Variants in NUSAP1 observed in about 807,000 individuals in gnomAD.
The protein encoded by NUSAP1 is nucleolar and spindle-associated protein 1.
In NUSAP1, 32 loss-of-function variants were observed where a neutral mutation model predicts 52.8. The observed-to-expected ratio is 0.61, with a 90% CI of 0.46 to 0.81. The LOEUF (loss-of-function observed/expected upper bound fraction) is 0.81. Among genes scored for constraint, NUSAP1 ranks in the 40% least tolerant of loss-of-function variants. The pLI is 0.00. For missense variants in NUSAP1, 499 were observed against 522.3 expected (o/e 0.96, Z 0.43); for synonymous variants, 195 against 183.1 (o/e 1.06, Z -0.52).
At chr15:41,348,860 T>C (rs1435226125) in intron 2 of NUSAP1, among the ~76,000 whole-genome samples, 1 of 152,034 alleles carries the variant, frequency 6.6e-6, no homozygotes, top group East Asian at 1.9e-4. Context: ...CTGGTCTCGC[T>C]AACCTCAGGT....
At chr15:41,376,649 C>G (rs548417873) in intron 9 of NUSAP1, among the ~76,000 whole-genome samples, 1 of 151,868 alleles carries the variant, frequency 6.6e-6, no homozygotes, top group Non-Finnish European at 1.5e-5. Flanking sequence ...CGAGACCACA[C>G]CACTGCACTC....
At chr15:41,337,681 T>G (rs1452143549) in intron 1 of NUSAP1, among the ~76,000 whole-genome samples, 1 of 152,176 alleles carries the variant, frequency 6.6e-6, no homozygotes, top group Non-Finnish European at 1.5e-5. Flanking sequence ...TCCCCTCACC[T>G]GTGCCTATCA....
chr15:41,346,459 C>T (rs1004987228), intron 2 of NUSAP1, among the ~76,000 whole-genome samples: 1 of 152,018 alleles, frequency 6.6e-6, no homozygotes, highest in Non-Finnish European at 1.5e-5. Context: ...ACACTCACTA[C>T]ACCTTGTTAC....
intron 4 of NUSAP1, among the ~76,000 whole-genome samples, chr15:41,352,878 GT>G (rs968036360): frequency 1.3e-5 from 2 of 152,012 alleles, no homozygotes; most frequent in African/African-American, 4.8e-5. Context: ...ATACAGGCCA[GT>G]TTTTTGTCCT....
chr15:41,345,468 C>CT (rs202120158), intron 2 of NUSAP1: 30,841 of 306,208 alleles, frequency 0.1, 76 homozygotes, highest in South Asian at 0.16. Context: ...TTTTTTCTTT[C>CT]TTTTTTTTTT....
intron 8 of NUSAP1, among the ~76,000 whole-genome samples, chr15:41,373,448 C>CTTTTTT (rs763340655): frequency 4.3e-5 from 5 of 117,294 alleles, no homozygotes; most frequent in Admixed American, 9.2e-5. Context: ...AATTCATATT[C>CTTTTTT]TTTTTTTTTT....
chr15:41,335,899 AATTT>A (rs2048109380), intron 1 of NUSAP1, among the ~76,000 whole-genome samples: 1 of 149,858 alleles, frequency 6.7e-6, no homozygotes, highest in Non-Finnish European at 1.5e-5. Context: ...GTACTAGTAA[AATTT>A]ATTTAAATTG....
At position 41,349,184 on chromosome 15, in the gene NUSAP1, C is replaced by G; in HGVS notation, c.249C>G (p.Gly83=). The part of the protein sequence containing the change: ...NQEEAERQPL[G]HVTKTRRRCK... ...AAGAAGCTGAGAGACAGCCACTTGG[C>G]CATGTCACCAAAACAAGGAGAAGGT... is the stretch of plus-strand genomic sequence containing the variant. Residue 83 remains glycine (G), a synonymous_variant, in exon 3 of 11, where the codon GGC becomes GGG. Transcript: ENST00000559596. 1 of 1,613,794 alleles carries G rather than the reference C, an allele frequency of 6.2e-7. No individual in the cohort carries two copies. The highest frequency in any genetic ancestry group is 8.5e-7 in the Non-Finnish European group (1 of 1,179,726).
intron 8 of NUSAP1, among the ~76,000 whole-genome samples, chr15:41,375,102 C>T (rs2049866915): frequency 6.6e-6 from 1 of 151,722 alleles, no homozygotes; most frequent in African/African-American, 2.4e-5. Context: ...CTCTGCTTCC[C>T]GGATTTAAGC....
chr15:41,361,633 G>A (rs77743701), intron 6 of NUSAP1, among the ~76,000 whole-genome samples: 4,522 of 152,180 alleles, frequency 0.03, 245 homozygotes, highest in African/African-American at 0.1. Flanking sequence ...TAAAAGTTAA[G>A]GACAGAGCAA....
chr15:41,366,336 G>A (rs1205012268), intron 7 of NUSAP1, among the ~76,000 whole-genome samples: 2 of 149,184 alleles, frequency 1.3e-5, no homozygotes, highest in African/African-American at 5.0e-5. Context: ...CATTGCCCAG[G>A]CTGGAGTGCA....
In NUSAP1 at chr15:41,333,057, C is replaced by G. The variant is rs1276221338; in HGVS notation, c.93+7C>G. ...TCTCCGGGCCAACCTGAGGGTACGGCGCTGGCGGTGCGGGTCCCTGGGCGG... is the reference window on the plus strand; with the variant it reads ...TCTCCGGGCCAACCTGAGGGTACGGGGCTGGCGGTGCGGGTCCCTGGGCGG... On this transcript the variant is annotated splice_region_variant and intron_variant, in intron 1 of 10. Coordinates refer to ENST00000559596, the MANE Select transcript of NUSAP1 (RefSeq NM_016359.5). The G allele has an allele frequency of 4.4e-6, 7 of 1,604,516 alleles. No individual in the cohort carries two copies. Among genetic ancestry groups the G allele is most frequent in the East Asian group, 4.5e-5 (2 of 44,526 alleles).
At chr15:41,366,409 G>A (rs1177414616) in intron 7 of NUSAP1, among the ~76,000 whole-genome samples, 4 of 149,882 alleles carry the variant, frequency 2.7e-5, no homozygotes, top group Admixed American at 6.7e-5. Flanking sequence ...TCAGCCTCCC[G>A]AGTGGCTGGG....
intron 1 of NUSAP1, among the ~76,000 whole-genome samples, chr15:41,336,476 C>G (rs554320514): frequency 1.2e-4 from 18 of 151,866 alleles, no homozygotes; most frequent in Non-Finnish European, 2.1e-4. Flanking sequence ...TTGCACCTCC[C>G]TATACTCACC....
In NUSAP1 at chr15:41,358,219, G is replaced by T. The variant is rs771217256; in HGVS notation, c.621G>T (p.Lys207Asn). Residue 207 changes from lysine (K) to asparagine (N), a missense_variant, in exon 6 of 11, where the codon AAG (lysine) becomes AAT (asparagine). By Grantham distance (94) the Lys-to-Asn change is moderately conservative. Coordinates refer to ENST00000559596, the MANE Select transcript of NUSAP1 (RefSeq NM_016359.5). The stretch of plus-strand genomic sequence containing the variant: ...TTGATCAATATATTGAGAGAAAAAA[G>T]AAACATTTTGAAGAACACAATTCCA... ...ESIDQYIERK[K>N]KHFEEHNSMN... 10 of 1,564,750 alleles carry T rather than the reference G, an allele frequency of 6.4e-6. No homozygotes were observed. The highest frequency in any genetic ancestry group is 3.5e-5 in the Admixed American group (2 of 57,028).
Position 41,380,255 on chromosome 15 carries a change from T to TC in NUSAP1, c.*69_*70insC. 1 of 1,058,978 alleles carries TC rather than the reference T, an allele frequency of 9.4e-7. No homozygotes were observed. The highest frequency in any genetic ancestry group is 1.4e-6 in the Non-Finnish European group (1 of 715,568). 65.6% of individuals were successfully genotyped at this position (1,058,978 alleles called of 1,614,324 possible). A position where few individuals can be genotyped will look rare whatever the true frequency, so the allele number is the denominator to read the frequency against. Reference sequence around the variant, plus strand: ...TTTCCTTTTGTAAATTTTTTTTTTTTGCTGTCATCCCCACTTTAGTCACGA... The same window carrying TC: ...TTTCCTTTTGTAAATTTTTTTTTTTTCGCTGTCATCCCCACTTTAGTCACGA... On this transcript the variant is annotated 3_prime_UTR_variant, in exon 11 of 11. Transcript: ENST00000559596.
In NUSAP1 at chr15:41,371,562, G is replaced by A. The variant is rs769894558; in HGVS notation, c.884G>A (p.Arg295His). 9.9e-6 allele frequency: 16 copies of A among 1,608,340 alleles called. No individual in the cohort carries two copies. The highest frequency in any genetic ancestry group is 1.3e-5 in the African/African-American group (1 of 74,286). The change falls in exon 8 of 11, where the codon CGT (arginine) becomes CAT (histidine). Residue 295 changes from arginine to histidine, a missense_variant. Coordinates refer to ENST00000559596, the MANE Select transcript of NUSAP1 (RefSeq NM_016359.5). ...SAATKDNEHK[R>H]SLTKTPARKS... ...GCTACTAAAGATAATGAGCATAAGC[G>A]TTCACTGACCAAGACTCCAGCCAGA...
At chr15:41,376,623 G>T (rs1434021281) in intron 9 of NUSAP1, among the ~76,000 whole-genome samples, 1 of 147,390 alleles carries the variant, frequency 6.8e-6, no homozygotes. Flanking sequence ...CCCAGGAGGT[G>T]AAGCTTGCAG....
chr15:41,350,494 G>C (rs1595551956), intron 3 of NUSAP1, among the ~76,000 whole-genome samples: 1 of 152,128 alleles, frequency 6.6e-6, no homozygotes, highest in South Asian at 2.1e-4. Context: ...CCAGGGGTCG[G>C]GGGGAGGGTG....
Sources: allele counts gnomAD v4.1 joint callset (sites outside exome capture counted in the v4.1 genomes callset), GRCh38; gene constraint gnomAD v4.1.1; transcripts MANE v1.5; gene names NCBI Gene and HGNC (gene_info 2026-07-23, HGNC 2026-07-21).